Variants in CACNB2 observed in about 807,000 individuals in gnomAD.
CACNB2 encodes voltage-dependent L-type calcium channel subunit beta-2.
CACNB2 carries 42 observed loss-of-function variants against 73.3 expected under a neutral mutation model. The observed-to-expected ratio is 0.57, with a 90% CI of 0.45 to 0.74. CACNB2 has a LOEUF of 0.74. Ranked by LOEUF, CACNB2 falls within the 30% of genes least tolerant of loss-of-function variation. CACNB2 has a pLI of 0.00. For missense variants in CACNB2, 940 were observed against 853.0 expected (o/e 1.10, Z -1.27); for synonymous variants, 348 against 310.3 (o/e 1.12, Z -1.28).
chr10:18,440,663 T>C (rs1270545052), intron 3 of CACNB2, among the ~76,000 whole-genome samples: 1 of 151,986 alleles, frequency 6.6e-6, no homozygotes, highest in African/African-American at 2.4e-5. Context: ...GAAAAGCTTC[T>C]GTGAAGGTGA....
rs35000700 is a variant in CACNB2 at position 18,276,585 on chromosome 10, A to ATT, written c.214-125328_214-125327dup. On this transcript the variant is annotated intron_variant, in intron 2 of 13. Transcript: ENST00000324631. ...AGCTTTGGGAGGCCAAGGCAAAAGG[A>ATT]TTTTTTTTTTTTAAGATGGAGTTTT... Among the ~76,000 whole-genome samples, 61 of 148,106 alleles carry ATT rather than the reference A, an allele frequency of 4.1e-4. No homozygotes were observed. The East Asian group carries it at 4.2e-3, about 10-fold the overall frequency.
chr10:18,338,356 A>G (rs10828542), intron 2 of CACNB2, among the ~76,000 whole-genome samples: 68,053 of 152,036 alleles, frequency 0.45, 15,891 homozygotes, highest in African/African-American at 0.58. Flanking sequence ...CAAAATCACA[A>G]TGAAATACTA....
chr10:18,418,519 T>C (rs1813353), intron 3 of CACNB2, among the ~76,000 whole-genome samples: 43,957 of 152,096 alleles, frequency 0.29, 6,934 homozygotes, highest in Middle Eastern at 0.42. Context: ...TCTAGCTTAA[T>C]AGGCAGATAA....
chr10:18,274,172 C>T (rs912903109), intron 2 of CACNB2, among the ~76,000 whole-genome samples: 7 of 151,746 alleles, frequency 4.6e-5, no homozygotes, highest in Non-Finnish European at 1.0e-4. Context: ...AAGGTTAATT[C>T]GGGTGAAATA....
At chr10:18,276,999 C>T (rs1200050744) in intron 2 of CACNB2, among the ~76,000 whole-genome samples, 1 of 152,154 alleles carries the variant, frequency 6.6e-6, no homozygotes, top group Admixed American at 6.5e-5. Context: ...CACCTGCAGT[C>T]CCAGCTACTT....
At chr10:18,192,063 G>T (rs1439428929) in intron 2 of CACNB2, among the ~76,000 whole-genome samples, 1 of 151,632 alleles carries the variant, frequency 6.6e-6, no homozygotes, top group Non-Finnish European at 1.5e-5. Flanking sequence ...CTTGAGGCAG[G>T]AATCTAGGAT....
chr10:18,539,285 A>C lies in CACNB2; in HGVS notation c.1544A>C (p.Gln515Pro). 1 of 1,613,878 alleles carries C rather than the reference A, an allele frequency of 6.2e-7. No homozygotes were observed. Among genetic ancestry groups the C allele is most frequent in the Non-Finnish European group, 8.5e-7 (1 of 1,179,950 alleles). ...DRSAPIRSAS[Q>P]AEEEPSVEPV... is the part of the protein sequence containing the mutation. ...TCCGCTCCTATCCGTTCTGCTTCCC[A>C]AGCTGAAGAAGAACCTAGTGTGGAA... Residue 515 changes from glutamine to proline, a missense_variant, in exon 14 of 14, where the codon CAA becomes CCA. Transcript: ENST00000324631.
intron 2 of CACNB2, among the ~76,000 whole-genome samples, chr10:18,358,433 A>C (rs1259737479): frequency 6.6e-6 from 1 of 150,616 alleles, no homozygotes; most frequent in Non-Finnish European, 1.5e-5. Flanking sequence ...AGTATATGCT[A>C]CCTGCTGTTC....
intron 5 of CACNB2, among the ~76,000 whole-genome samples, chr10:18,505,038 A>G (rs1202214018): frequency 6.6e-6 from 1 of 152,232 alleles, no homozygotes; most frequent in Non-Finnish European, 1.5e-5. Flanking sequence ...AAAAATTGAC[A>G]GAACTCAATG....
At chr10:18,385,597 C>T (rs905439852) in intron 2 of CACNB2, among the ~76,000 whole-genome samples, 4 of 140,720 alleles carry the variant, frequency 2.8e-5, no homozygotes, top group South Asian at 4.7e-4. Flanking sequence ...AAGCCGAGAT[C>T]GTGCCACTGC....
chr10:18,317,102 C>T (rs114558332), intron 2 of CACNB2, among the ~76,000 whole-genome samples: 5,245 of 151,714 alleles, frequency 0.035, 126 homozygotes, highest in African/African-American at 0.066. Flanking sequence ...CCATTCCCCA[C>T]ACCACCCCCT....
At position 18,534,159 on chromosome 10, in the gene CACNB2, C is replaced by T. The variant is rs935123934; in HGVS notation, c.1138C>T (p.His380Tyr). The change falls in exon 11 of 14, where the codon CAT becomes TAT. Residue 380 changes from histidine (H) to tyrosine (Y), a missense_variant. By Grantham distance (83) the His-to-Tyr change is moderately conservative. Coordinates refer to ENST00000324631, the MANE Select transcript of CACNB2 (RefSeq NM_201596.3). ...LVVLDADTINHPAQLSKTSLA... is the reference protein window; with the variant it reads ...LVVLDADTINYPAQLSKTSLA... ...GGTCCTTGACGCGGATACAATTAAT[C>T]ATCCAGCTCAACTCAGTAAAACCTC... 8 of 1,613,490 alleles carry T rather than the reference C, an allele frequency of 5.0e-6. No homozygotes were observed. Among genetic ancestry groups the T allele is most frequent in the Non-Finnish European group, 6.8e-6 (8 of 1,179,536 alleles).
chr10:18,481,191 G>A (rs1205776950), intron 3 of CACNB2, among the ~76,000 whole-genome samples: 2 of 40,524 alleles, frequency 4.9e-5, no homozygotes, highest in Non-Finnish European at 7.9e-5. Context: ...TTACATCTTC[G>A]CTATATATAT....
At chr10:18,234,706 G>A (rs1314062513) in intron 2 of CACNB2, among the ~76,000 whole-genome samples, 11 of 152,178 alleles carry the variant, frequency 7.2e-5, no homozygotes, top group Non-Finnish European at 1.6e-4. Flanking sequence ...GGTTCCCAGG[G>A]AATGGAGAGA....
chr10:18,529,744 T>C (rs1265251561), intron 10 of CACNB2, among the ~76,000 whole-genome samples: 1 of 152,240 alleles, frequency 6.6e-6, no homozygotes, highest in East Asian at 1.9e-4. Flanking sequence ...AGCTTATTTC[T>C]ATTAGTCTGT....
chr10:18,463,361 T>TAAA (rs34004367), intron 3 of CACNB2, among the ~76,000 whole-genome samples: 2 of 147,514 alleles, frequency 1.4e-5, no homozygotes, highest in Non-Finnish European at 3.0e-5. Flanking sequence ...TCTTATCTAT[T>TAAA]AAAAAAAAAA....
chr10:18,224,962 G>A (rs2035934318), intron 2 of CACNB2, among the ~76,000 whole-genome samples: 1 of 152,114 alleles, frequency 6.6e-6, no homozygotes, highest in African/African-American at 2.4e-5. Context: ...TGAGCCTAGT[G>A]TGGACACCAA....
chr10:18,152,884 C>A (rs566671854), intron 2 of CACNB2, among the ~76,000 whole-genome samples: 2 of 151,912 alleles, frequency 1.3e-5, no homozygotes, highest in Non-Finnish European at 1.5e-5. Context: ...GTGTAGAACC[C>A]GTTATTAGTC....
At chr10:18,261,963 A>G (rs1043883584) in intron 2 of CACNB2, 2 of 518,890 alleles carry the variant, frequency 3.9e-6, no homozygotes, top group Non-Finnish European at 7.7e-6. Flanking sequence ...GCTAATTGCA[A>G]TATGCTGTGC....
Sources: allele counts gnomAD v4.1 joint callset (sites outside exome capture counted in the v4.1 genomes callset), GRCh38; gene constraint gnomAD v4.1.1; transcripts MANE v1.5; gene names NCBI Gene and HGNC (gene_info 2026-07-23, HGNC 2026-07-21).